ADGRF4: variants seen among roughly 807,000 people sequenced by gnomAD.
ADGRF4 encodes the protein adhesion G protein-coupled receptor F4.
Under a neutral mutation model 58.5 loss-of-function variants are expected in ADGRF4, and 63 were observed. The ratio of observed to expected loss-of-function variants is 1.08; its 90% confidence interval spans 0.88 to 1.33. The LOEUF (loss-of-function observed/expected upper bound fraction) is 1.33. ADGRF4 is among the 40% of genes most tolerant of loss of function. The pLI is 0.00. For synonymous variants in ADGRF4, 313 were observed against 295.4 expected, an observed-to-expected ratio of 1.06 and a Z score of -0.61; for missense variants, 931 against 843.9, an observed-to-expected ratio of 1.10 and a Z score of -1.28.
In ADGRF4 at chr6:47,702,319, C is replaced by G. The variant is rs904243402; in HGVS notation, c.-17+3525C>G. Among the ~76,000 whole-genome samples the G allele has an allele frequency of 3.9e-5, 6 of 152,210 alleles. No individual in the cohort carries two copies. The South Asian group carries it at 1.2e-3, about 32-fold the overall frequency. Reference sequence around the variant, plus strand: ...TCCCAAACTGATATGACCATGGAACCCCTTTGGCTTTTATGAGACCAGTCT... The same window carrying G: ...TCCCAAACTGATATGACCATGGAACGCCTTTGGCTTTTATGAGACCAGTCT... On this transcript the variant is annotated intron_variant, in intron 1 of 9. Transcript: ENST00000283303.
In ADGRF4 at chr6:47,712,387, G is replaced by C; in HGVS notation, c.331G>C (p.Ala111Pro). 3.7e-6 allele frequency: 6 copies of C among 1,614,012 alleles called. No individual in the cohort carries two copies. The South Asian group carries it at 6.6e-5, about 18-fold the overall frequency. Reference sequence around the variant, plus strand: ...AACTGGTGCATCTCGCCTTTCTGTAGCAGCACCATCTATACCTCTGCATAT... The same window carrying C: ...AACTGGTGCATCTCGCCTTTCTGTACCAGCACCATCTATACCTCTGCATAT... Reference protein sequence around the residue: ...DSTGASRLSVAAPSIPLHILD... With the variant: ...DSTGASRLSVPAPSIPLHILD... The change falls in exon 5 of 10, where the codon GCA becomes CCA. Residue 111 changes from alanine (A) to proline (P), a missense_variant. Physicochemically the swap from Ala to Pro is conservative, Grantham distance 27. Coordinates refer to ENST00000283303, the MANE Select transcript of ADGRF4 (RefSeq NM_153838.5).
At chr6:47,711,112 CAA>C (rs35782783) in intron 4 of ADGRF4, among the ~76,000 whole-genome samples, 85,937 of 146,078 alleles carry the variant, frequency 0.59, 25,402 homozygotes, top group Middle Eastern at 0.7. Flanking sequence ...AAACTTTTCT[CAA>C]AAAAAAAAAA....
intron 6 of ADGRF4, 123 bp downstream of exon 6, chr6:47,715,300 G>A: frequency 1.3e-6 from 1 of 759,170 alleles, no homozygotes; most frequent in Non-Finnish European, 2.1e-6. Flanking sequence ...AGGGTTATTT[G>A]GCTATGGCAT....
chr6:47,702,317 A>T (rs1277590042), intron 1 of ADGRF4, among the ~76,000 whole-genome samples: 2 of 151,996 alleles, frequency 1.3e-5, no homozygotes, highest in Admixed American at 1.3e-4. Context: ...TGACCATGGA[A>T]CCCCTTTGGC....
At chr6:47,708,364 C>G in intron 3 of ADGRF4, 86 bp downstream of exon 3, 1 of 980,200 alleles carries the variant, frequency 1.0e-6, no homozygotes, top group Non-Finnish European at 1.6e-6. Flanking sequence ...TGTCCCCAGA[C>G]CACAGGCTTT....
chr6:47,707,466 TA>T (rs529315412), intron 2 of ADGRF4, 128 bp downstream of exon 2: 179 of 668,902 alleles, frequency 2.7e-4, no homozygotes, highest in Non-Finnish European at 4.0e-4. Context: ...CTCTTGCTGA[TA>T]GTAACTTTCT....
intron 8 of ADGRF4, 107 bp downstream of exon 8, chr6:47,717,458 C>T: frequency 1.3e-6 from 1 of 777,232 alleles, no homozygotes; most frequent in Non-Finnish European, 2.3e-6. Flanking sequence ...CAAAGAGGAT[C>T]AATAAAGCGT....
At chr6:47,707,965 G>A (rs1204847245) in intron 2 of ADGRF4, among the ~76,000 whole-genome samples, 1 of 152,140 alleles carries the variant, frequency 6.6e-6, no homozygotes, top group African/African-American at 2.4e-5. Flanking sequence ...GAAAGATGTA[G>A]CATCTCTACT....
intron 1 of ADGRF4, among the ~76,000 whole-genome samples, chr6:47,705,667 G>T (rs1044927987): frequency 1.3e-5 from 2 of 152,220 alleles, no homozygotes; most frequent in African/African-American, 4.8e-5. Flanking sequence ...ACCCAGGAAA[G>T]TCCATCTTAT....
In ADGRF4 at chr6:47,714,305, T is replaced by A. The variant is rs780016343; in HGVS notation, c.1060T>A (p.Ser354Thr). The A allele has an allele frequency of 6.2e-7, 1 of 1,614,142 alleles. No homozygotes were observed. Among genetic ancestry groups the A allele is most frequent in the East Asian group, 2.2e-5 (1 of 44,880 alleles). ...CAGAGCCCAGTGTGTTGGCTGGCAC[T>A]CCAAGAAAAGGAGATGGGATGAGAA... ...NARAQCVGWH[S>T]KKRRWDEKAC... The change falls in exon 6 of 10, where the codon TCC becomes ACC. Residue 354 changes from serine (S) to threonine (T), a missense_variant. Coordinates refer to ENST00000283303, the MANE Select transcript of ADGRF4 (RefSeq NM_153838.5).
In ADGRF4 at chr6:47,714,423, C is replaced by A. The variant is rs772663903; in HGVS notation, c.1178C>A (p.Ser393Tyr). ...ATGTCTTTTTCCATTCTCATGTCCT[C>A]CAAATCGATGACCGACAAAGTTCTG... ...VVMSFSILMS[S>Y]KSMTDKVLDY... Residue 393 changes from serine to tyrosine, a missense_variant, in exon 6 of 10, where the codon TCC becomes TAC. Transcript: ENST00000283303. 1 of 1,614,088 alleles carries A rather than the reference C, an allele frequency of 6.2e-7. No individual in the cohort carries two copies. Among genetic ancestry groups the A allele is most frequent in the Non-Finnish European group, 8.5e-7 (1 of 1,180,016 alleles).
chr6:47,699,988 A>C (rs2113891476), intron 1 of ADGRF4, among the ~76,000 whole-genome samples: 1 of 151,224 alleles, frequency 6.6e-6, no homozygotes, highest in Middle Eastern at 3.4e-3. Flanking sequence ...CCCTCTAGTT[A>C]ACCTCTTTGG....
At position 47,715,085 on chromosome 6, in the gene ADGRF4, C is replaced by T. The variant is rs768837145; in HGVS notation, c.1840C>T (p.Leu614=). 2 of 1,612,322 alleles carry T rather than the reference C, an allele frequency of 1.2e-6. No homozygotes were observed. Among genetic ancestry groups the T allele is most frequent in the East Asian group, 2.2e-5 (1 of 44,806 alleles). The change falls in exon 6 of 10, where the codon CTG becomes TTG. Residue 614 remains leucine, a synonymous_variant. Coordinates refer to ENST00000283303, the MANE Select transcript of ADGRF4 (RefSeq NM_153838.5). ...SKNVAILTPL[L]GLTWGFGIAT... ...AAATGTTGCCATCCTCACTCCACTGCTGGGACTGACCTGGGGTTTTGGAAT... is the reference window on the plus strand; with the variant it reads ...AAATGTTGCCATCCTCACTCCACTGTTGGGACTGACCTGGGGTTTTGGAAT...
At chr6:47,715,540 C>T (rs2113906560) in intron 6 of ADGRF4, 1 of 174,818 alleles carries the variant, frequency 5.7e-6, no homozygotes, top group East Asian at 1.5e-4. Flanking sequence ...TTTGGGAACT[C>T]AGTGAGATAA....
rs780238330 is a variant in ADGRF4 at position 47,712,628 on chromosome 6, TAA to T, written c.552+24_552+25del. ...ATGAAGGTATTCTTTGTTAATCATTTAAAAATGATGTTTTTCTTAAAATTTTC... is the reference window on the plus strand; with the variant it reads ...ATGAAGGTATTCTTTGTTAATCATTTAAATGATGTTTTTCTTAAAATTTTC... On this transcript the variant is annotated intron_variant, in intron 5 of 9. Transcript: ENST00000283303. The T allele has an allele frequency of 6.5e-7, 1 of 1,548,152 alleles. No homozygotes were observed. The highest frequency in any genetic ancestry group is 8.9e-7 in the Non-Finnish European group (1 of 1,125,660).
chr6:47,718,666 C>A (rs547917356), intron 9 of ADGRF4, among the ~76,000 whole-genome samples: 1 of 151,976 alleles, frequency 6.6e-6, no homozygotes. Context: ...CTTACATGAC[C>A]AAACCCATCA....
chr6:47,706,248 C>G (rs1331943040), intron 1 of ADGRF4, among the ~76,000 whole-genome samples: 3 of 152,050 alleles, frequency 2.0e-5, no homozygotes, highest in East Asian at 3.9e-4. Context: ...TAAATCTCAA[C>G]TGTTGTAAGG....
At chr6:47,699,373 ATTTG>A (rs906309640) in intron 1 of ADGRF4, among the ~76,000 whole-genome samples, 6 of 150,792 alleles carry the variant, frequency 4.0e-5, no homozygotes, top group African/African-American at 7.5e-5. Context: ...GGTGCTGTTT[ATTTG>A]TTTGTTTGTT....
In ADGRF4 at chr6:47,714,727, A is replaced by G. The variant is rs1317426172; in HGVS notation, c.1482A>G (p.Lys494=). ...YLSLFFWMLF[K]ALLIIYGILV... ...CTCTGTTTTTCTGGATGCTCTTCAA[A>G]GCATTGCTCATCATTTATGGAATAT... Residue 494 remains lysine, a synonymous_variant, in exon 6 of 10, where the codon AAA becomes AAG. Transcript: ENST00000283303. 1 of 1,614,062 alleles carries G rather than the reference A, an allele frequency of 6.2e-7. No individual in the cohort carries two copies. The highest frequency in any genetic ancestry group is 1.3e-5 in the African/African-American group (1 of 75,042).
Sources: gnomAD v4.1 joint callset for allele counts (sites outside exome capture counted in the v4.1 genomes callset) on GRCh38, gnomAD v4.1.1 for gene constraint, MANE v1.5 for transcripts, NCBI Gene and HGNC (gene_info 2026-07-23, HGNC 2026-07-21) for gene names.